Variants in NF1 observed in about 807,000 individuals in gnomAD.
The protein encoded by NF1 is neurofibromin 1.
NF1 carries 122 observed loss-of-function variants against 325.7 expected under a neutral mutation model. The observed-to-expected ratio is 0.37, with a 90% CI of 0.32 to 0.44. The LOEUF (loss-of-function observed/expected upper bound fraction) is 0.44, where lower values mean the gene tolerates loss of function less well. Among genes scored for constraint, NF1 ranks in the 20% least tolerant of loss-of-function variants. The probability of loss-of-function intolerance (pLI) is 1.00; values close to 1 mark genes in which losing one functional copy is unlikely to be tolerated. For missense variants in NF1, 2,140 were observed against 3,415.4 expected (o/e 0.63, Z 9.31); for synonymous variants, 1,091 against 1,186.0 (o/e 0.92, Z 1.65).
chr17:31,340,891 G>A (rs1373571852), intron 47 of NF1, among the ~76,000 whole-genome samples: 1 of 146,068 alleles, frequency 6.8e-6, no homozygotes, highest in East Asian at 2.0e-4. Context: ...CCTAATACTA[G>A]TAGAATTACA....
intron 27 of NF1, 82 bp from the exon 28 acceptor site, chr17:31,235,529 T>TA (rs1212953230): frequency 3.3e-6 from 5 of 1,514,512 alleles, no homozygotes; most frequent in Non-Finnish European, 3.6e-6. Context: ...ACTTTGGGTT[T>TA]ACATTTTTGC....
intron 15 of NF1, chr17:31,222,617 A>C: frequency 2.6e-6 from 2 of 771,732 alleles, no homozygotes; most frequent in Non-Finnish European, 3.2e-6. Context: ...TACTTACTAC[A>C]TTAAAGAGTA....
At chr17:31,266,985 G>A (rs1299412199) in intron 36 of NF1, among the ~76,000 whole-genome samples, 3 of 151,342 alleles carry the variant, frequency 2.0e-5, no homozygotes, top group African/African-American at 7.3e-5. Context: ...AGGCTGGAGT[G>A]CAATGGAGCG....
At chr17:31,146,453 A>G (rs1384227967) in intron 1 of NF1, among the ~76,000 whole-genome samples, 1 of 149,446 alleles carries the variant, frequency 6.7e-6, no homozygotes, top group Non-Finnish European at 1.5e-5. Flanking sequence ...CCATCCATCC[A>G]TCCATCCAAT....
At position 31,349,076 on chromosome 17, in the gene NF1, T is replaced by A. The variant is rs780318645; in HGVS notation, c.7190-44T>A. The stretch of plus-strand genomic sequence containing the variant: ...CCTCAGCAGATGCTTGTTCAAAAAA[T>A]TAATTCTTACTTGTTTGTTTGTTTG... On this transcript the variant is annotated intron_variant, in intron 48 of 57. Transcript: ENST00000358273. 2.3e-5 allele frequency: 35 copies of A among 1,548,074 alleles called. No homozygotes were observed. The African/African-American group carries it at 4.3e-4, about 19-fold the overall frequency.
chr17:31,203,018 A>G (rs887298329), intron 11 of NF1, among the ~76,000 whole-genome samples: 12 of 152,246 alleles, frequency 7.9e-5, no homozygotes, highest in African/African-American at 1.7e-4. Flanking sequence ...TTTGTATACA[A>G]TAAACCCAAA....
chr17:31,165,779 T>C (rs2065835793), intron 4 of NF1, among the ~76,000 whole-genome samples: 1 of 152,178 alleles, frequency 6.6e-6, no homozygotes, highest in South Asian at 2.1e-4. Context: ...AGCCTCGACC[T>C]CCTGGGCTCA....
At chr17:31,099,963 C>G (rs1030534269) in intron 1 of NF1, among the ~76,000 whole-genome samples, 1 of 145,710 alleles carries the variant, frequency 6.9e-6, no homozygotes, top group Non-Finnish European at 1.5e-5. Context: ...TCCTGTAGAG[C>G]TTTATTTCTG....
chr17:31,139,375 G>GACACACACACACACAC (rs58863782), intron 1 of NF1, among the ~76,000 whole-genome samples: 22 of 144,174 alleles, frequency 1.5e-4, no homozygotes, highest in Admixed American at 4.2e-4. Context: ...GTTTTACACA[G>GACACACACACACACAC]ACACACACAC....
intron 1 of NF1, among the ~76,000 whole-genome samples, chr17:31,142,447 A>G (rs866224670): frequency 4.6e-5 from 7 of 152,190 alleles, no homozygotes; most frequent in African/African-American, 1.2e-4. Flanking sequence ...AATTTTGCTC[A>G]AGGTTTTTTC....
chr17:31,226,818 T>TGAAC, intron 18 of NF1, 134 bp downstream of exon 18: 1 of 1,205,586 alleles, frequency 8.3e-7, no homozygotes, highest in Non-Finnish European at 1.2e-6. Context: ...AATCCTTTTC[T>TGAAC]GAACAAAGTA....
At position 31,336,797 on chromosome 17, in the gene NF1, T is replaced by C. The variant is rs876660000; in HGVS notation, c.6310T>C (p.Phe2104Leu). 1.2e-6 allele frequency: 2 copies of C among 1,614,130 alleles called. No homozygotes were observed. The highest frequency in any genetic ancestry group is 1.7e-6 in the Non-Finnish European group (2 of 1,180,026). Residue 2104 changes from phenylalanine (F) to leucine (L), a missense_variant, in exon 42 of 58, where the codon TTC (phenylalanine) becomes CTC (leucine). Phe to Leu is a conservative substitution (Grantham distance 22). Transcript: ENST00000358273. This position sits in a 1 kb window ranked among gnomAD's most constrained non-coding sequence, Gnocchi z 5.5. Reference sequence around the variant, plus strand: ...TGTGGCAGCTCATCTTCCCTACCTCTTCCACGTTGTTACTTTCTTAGTAGC... The same window carrying C: ...TGTGGCAGCTCATCTTCCCTACCTCCTCCACGTTGTTACTTTCTTAGTAGC... ...LDVAAHLPYL[F>L]HVVTFLVATG... is the part of the protein sequence containing the mutation.
At chr17:31,117,453 A>G (rs1194479813) in intron 1 of NF1, among the ~76,000 whole-genome samples, 1 of 150,962 alleles carries the variant, frequency 6.6e-6, no homozygotes, top group South Asian at 2.1e-4. Flanking sequence ...CAGGTGGATC[A>G]TGAGGTCAGG....
intron 4 of NF1, among the ~76,000 whole-genome samples, chr17:31,168,935 T>G (rs938177598): frequency 1.3e-5 from 2 of 152,194 alleles, no homozygotes; most frequent in African/African-American, 4.8e-5. Context: ...TTTGCTTCAT[T>G]GTGTGTTTAG....
intron 29 of NF1, among the ~76,000 whole-genome samples, chr17:31,248,282 C>A (rs1387064245): frequency 1.5e-5 from 2 of 134,084 alleles, no homozygotes; most frequent in African/African-American, 5.6e-5. Flanking sequence ...TGGGCATATA[C>A]ACATAGAGGA....
intron 1 of NF1, among the ~76,000 whole-genome samples, chr17:31,117,562 A>C (rs1215792557): frequency 2.0e-5 from 3 of 148,904 alleles, no homozygotes; most frequent in Non-Finnish European, 4.5e-5. Context: ...AGTCCTAGCT[A>C]CTCGGGAGGC....
At chr17:31,356,366 A>G (rs1377777075) in intron 51 of NF1, 94 bp from the exon 52 acceptor site, 2 of 1,365,174 alleles carry the variant, frequency 1.5e-6, no homozygotes, top group African/African-American at 2.9e-5. Context: ...GTGAAAGCTT[A>G]AACACTTTAT....
intron 36 of NF1, among the ~76,000 whole-genome samples, chr17:31,317,368 AACACACACACACAC>A (rs3138611): frequency 6.9e-6 from 1 of 144,562 alleles, no homozygotes; most frequent in Non-Finnish European, 1.5e-5. Context: ...TCCAGATTTG[AACACACACACACAC>A]ACACACACAC....
intron 29 of NF1, among the ~76,000 whole-genome samples, chr17:31,236,630 T>C (rs913522027): frequency 1.3e-5 from 2 of 151,130 alleles, no homozygotes; most frequent in African/African-American, 2.4e-5. Context: ...TTTGTATTTT[T>C]AATAGAGATG....
Sources: gnomAD v4.1 joint callset for allele counts (sites outside exome capture counted in the v4.1 genomes callset) on GRCh38, gnomAD v4.1.1 for gene constraint, Gnocchi (gnomAD v3.1) non-coding constraint, MANE v1.5 for transcripts, NCBI Gene and HGNC (gene_info 2026-07-23, HGNC 2026-07-21) for gene names.